MFSD1: variants seen among roughly 807,000 people sequenced by gnomAD.
MFSD1 encodes the protein lysosomal dipeptide transporter MFSD1.
In MFSD1, 59 loss-of-function variants were observed where a neutral mutation model predicts 67.1. The ratio of observed to expected loss-of-function variants is 0.88; its 90% CI spans 0.71 to 1.09. The LOEUF (loss-of-function observed/expected upper bound fraction) is 1.09. Ranked by LOEUF, MFSD1 falls within the 50% of genes least tolerant of loss-of-function variation. MFSD1 has a pLI of 0.00. For synonymous variants in MFSD1, 213 were observed against 200.3 expected, an observed-to-expected ratio of 1.06 and a Z score of -0.54; for missense variants, 552 against 566.1, an observed-to-expected ratio of 0.97 and a Z score of 0.25.
intron 14 of MFSD1, 70 bp from the exon 15 acceptor site, chr3:158,827,210 G>T: frequency 1.1e-6 from 1 of 891,148 alleles, no homozygotes. Flanking sequence ...TTGCATGTAT[G>T]TATGTATGGT....
rs763220379 is a variant in MFSD1 at position 158,804,389 on chromosome 3, T to C, written c.216+18T>C. ...TTAAACGAGTAAGTTGATTTTTCAC[T>C]CTTGTTTCTTTTGTTTTCTTTAGAG... On this transcript the variant is annotated intron_variant, in intron 2 of 15. Transcript: ENST00000415822. 1 of 1,605,276 alleles carries C rather than the reference T, an allele frequency of 6.2e-7. No homozygotes were observed. The highest frequency in any genetic ancestry group is 1.7e-5 in the Admixed American group (1 of 59,088).
Position 158,821,997 on chromosome 3 carries a change from A to G in MFSD1, c.934A>G (p.Ile312Val). Reference protein sequence around the residue: ...ASAINSVVYVISAPMSPVFGL... With the variant: ...ASAINSVVYVVSAPMSPVFGL... ...TTCTCTGGGCAGTGTTGTATATGTC[A>G]TATCAGCTCCCATGTCCCCGGTGTT... The change falls in exon 11 of 16, where the codon ATA becomes GTA. Residue 312 changes from isoleucine to valine, a missense_variant. By Grantham distance (29) the Ile-to-Val change is conservative. Coordinates refer to ENST00000415822, the MANE Select transcript of MFSD1 (RefSeq NM_022736.4). 1 of 1,613,668 alleles carries G rather than the reference A, an allele frequency of 6.2e-7. No individual in the cohort carries two copies. Among genetic ancestry groups the G allele is most frequent in the Non-Finnish European group, 8.5e-7 (1 of 1,179,694 alleles).
intron 6 of MFSD1, among the ~76,000 whole-genome samples, chr3:158,810,323 T>A (rs1214698404): frequency 6.6e-6 from 1 of 152,152 alleles, no homozygotes; most frequent in East Asian, 1.9e-4. Context: ...AAAAAATTTT[T>A]TTTGCCACTA....
intron 5 of MFSD1, chr3:158,808,977 T>G: frequency 2.2e-6 from 1 of 448,420 alleles, no homozygotes. Context: ...CTTTTATAAC[T>G]GAGCCTTGGG....
chr3:158,819,840 C>A (rs986769762), intron 8 of MFSD1, 93 bp downstream of exon 8: 2 of 627,120 alleles, frequency 3.2e-6, no homozygotes, highest in Admixed American at 3.2e-5. Context: ...TGTTGTAAAA[C>A]CAGGTGGAGC....
At position 158,807,475 on chromosome 3, in the gene MFSD1, A is replaced by T. The variant is rs371099952; in HGVS notation, c.440+12A>T. The stretch of plus-strand genomic sequence containing the variant: ...AGATTTGTATTTGGGTAAGTTATGC[A>T]TAATTTAATTTATCCTAATGTATTA... On this transcript the variant is annotated intron_variant, in intron 5 of 15. Transcript: ENST00000415822. 6 of 1,583,256 alleles carry T rather than the reference A, an allele frequency of 3.8e-6. No homozygotes were observed. The highest frequency in any genetic ancestry group is 5.2e-6 in the Non-Finnish European group (6 of 1,152,666).
chr3:158,824,842 T>A (rs35332264), intron 13 of MFSD1, among the ~76,000 whole-genome samples: 6,030 of 152,264 alleles, frequency 0.04, 190 homozygotes, highest in Middle Eastern at 0.085. Flanking sequence ...TCAAACTTTG[T>A]TTTCATTTAT....
At chr3:158,821,686 G>T in intron 10 of MFSD1, 33 bp downstream of exon 10, 1 of 1,524,158 alleles carries the variant, frequency 6.6e-7, no homozygotes, top group Non-Finnish European at 9.1e-7. Context: ...AGTGCCTATT[G>T]CATGTGAAGT....
chr3:158,808,663 T>C (rs1576899392), intron 5 of MFSD1, among the ~76,000 whole-genome samples: 1 of 152,194 alleles, frequency 6.6e-6, no homozygotes, highest in East Asian at 1.9e-4. Flanking sequence ...GGTATAAAAC[T>C]ACCATTTCAT....
chr3:158,818,339 A>G (rs1730486020), intron 7 of MFSD1, among the ~76,000 whole-genome samples: 1 of 152,234 alleles, frequency 6.6e-6, no homozygotes, highest in South Asian at 2.1e-4. Context: ...TCATGCGTCT[A>G]TCACTTTTTT....
chr3:158,812,292 T>C (rs538331692), intron 6 of MFSD1, among the ~76,000 whole-genome samples: 4 of 152,218 alleles, frequency 2.6e-5, no homozygotes, highest in South Asian at 4.2e-4. Context: ...AAAGACGGAA[T>C]CTATGTCACC....
intron 5 of MFSD1, among the ~76,000 whole-genome samples, 198 bp downstream of exon 5, chr3:158,807,661 T>G (rs1284571900): frequency 6.6e-6 from 1 of 152,244 alleles, no homozygotes; most frequent in Admixed American, 6.5e-5. Flanking sequence ...CCTAATCAAC[T>G]CTGTGTGGGG....
Position 158,827,319 on chromosome 3 carries a change from T to C in MFSD1, c.1376T>C (p.Ile459Thr). ...TATTCTGCAAGACAAAGGGAAGAAA[T>C]AAAATTTTCCCATACTGAGTAAGTA... ...LNYSARQREEIKFSHTE is the reference protein window; with the variant it reads ...LNYSARQREETKFSHTE Residue 459 changes from isoleucine (I) to threonine (T), a missense_variant, in exon 15 of 16, where the codon ATA becomes ACA. Ile to Thr is a moderately conservative substitution (Grantham distance 89). Coordinates refer to ENST00000415822, the MANE Select transcript of MFSD1 (RefSeq NM_022736.4). 1.9e-6 allele frequency: 3 copies of C among 1,550,830 alleles called. No homozygotes were observed. Among genetic ancestry groups the C allele is most frequent in the Admixed American group, 2.1e-5 (1 of 46,706 alleles).
Position 158,807,581 on chromosome 3 carries a change from C to T in MFSD1, c.440+118C>T, listed in dbSNP as rs541946107. The T allele has an allele frequency of 4.1e-5, 32 of 778,724 alleles. No homozygotes were observed. The South Asian group carries it at 4.4e-4, about 11-fold the overall frequency. 48.2% of individuals were successfully genotyped at this position (778,724 alleles called of 1,614,324 possible). ...ATTACTTCAAATCTTTGAAACCTAG[C>T]TTCATATGCATAAGAGTATTTCTTA... On this transcript the variant is annotated intron_variant, in intron 5 of 15. Transcript: ENST00000415822.
chr3:158,822,139 T>C lies in MFSD1; in HGVS notation c.1076T>C (p.Met359Thr), dbSNP rs746523117. 2.4e-5 allele frequency: 38 copies of C among 1,610,044 alleles called. No individual in the cohort carries two copies. The highest frequency in any genetic ancestry group is 3.1e-5 in the Non-Finnish European group (37 of 1,176,988). ...AFTMWNPWIA[M>T]CLLGLSYSLL... ...ACGATGTGGAACCCTTGGATTGCTA[T>C]GGTAACGTCTGTGTTAGCCCATGGT... Residue 359 changes from methionine (M) to threonine (T), a missense_variant and splice_region_variant, in exon 11 of 16, where the codon ATG (methionine) becomes ACG (threonine). Physicochemically the swap from Met to Thr is moderately conservative, Grantham distance 81. Coordinates refer to ENST00000415822, the MANE Select transcript of MFSD1 (RefSeq NM_022736.4).
intron 4 of MFSD1, 25 bp downstream of exon 4, chr3:158,807,107 G>A (rs1342008427): frequency 6.3e-7 from 1 of 1,594,892 alleles, no homozygotes; most frequent in Admixed American, 1.7e-5. Flanking sequence ...AACATTCATT[G>A]ATTATTGACA....
chr3:158,806,926 C>A, intron 3 of MFSD1, 114 bp from the exon 4 acceptor site: 1 of 868,954 alleles, frequency 1.2e-6, no homozygotes, highest in Non-Finnish European at 1.7e-6. Context: ...GCAAAGAAAA[C>A]CAAAGTGAAT....
In MFSD1 at chr3:158,810,666, G is replaced by A. The variant is rs987712214; in HGVS notation, c.549+1379G>A. On this transcript the variant is annotated intron_variant, in intron 6 of 15. Coordinates refer to ENST00000415822, the MANE Select transcript of MFSD1 (RefSeq NM_022736.4). ...TGTTAGGTCATCTGAGGACTATTGA[G>A]AGATATTTCCGCATTATCATTCCAG... Among the ~76,000 whole-genome samples the A allele has an allele frequency of 6.6e-5, 10 of 152,320 alleles. No homozygotes were observed. The South Asian group carries it at 8.3e-4, about 13-fold the overall frequency.
At position 158,820,208 on chromosome 3, in the gene MFSD1, C is replaced by T. The variant is rs368289248; in HGVS notation, c.752-7C>T. ...ATGCTGATAGTGTCTTCCCTTTCTTCTCTAAGGTGAAGTTATTAAATTAAC... is the reference window on the plus strand; with the variant it reads ...ATGCTGATAGTGTCTTCCCTTTCTTTTCTAAGGTGAAGTTATTAAATTAAC... On this transcript the variant is annotated splice_region_variant and splice_polypyrimidine_tract_variant and intron_variant, in intron 8 of 15. Transcript: ENST00000415822. 7.3e-6 allele frequency: 11 copies of T among 1,511,958 alleles called. No individual in the cohort carries two copies. Among genetic ancestry groups the T allele is most frequent in the Non-Finnish European group, 1.0e-5 (11 of 1,087,976 alleles). The allele number at this position is 1,511,958 out of a possible 1,614,324, so 93.7% of individuals were successfully genotyped here.
Sources: gnomAD v4.1 joint callset for allele counts (sites outside exome capture counted in the v4.1 genomes callset) on GRCh38, gnomAD v4.1.1 for gene constraint, MANE v1.5 for transcripts, NCBI Gene and HGNC (gene_info 2026-07-23, HGNC 2026-07-21) for gene names.